TAFA2: variants seen among roughly 807,000 people sequenced by gnomAD.
The protein encoded by TAFA2 is TAFA chemokine like family member 2.
In TAFA2, 7 loss-of-function variants were observed where a neutral mutation model predicts 18.8. The observed-to-expected ratio is 0.37, with a 90% CI of 0.21 to 0.70. TAFA2 has a LOEUF of 0.70. Ranked by LOEUF, TAFA2 falls within the 30% of genes least tolerant of loss-of-function variation. The pLI, the probability that TAFA2 is intolerant of heterozygous loss-of-function variation, is 0.53. For missense variants in TAFA2, 122 were observed against 158.1 expected, an observed-to-expected ratio of 0.77 and a Z score of 1.23; for synonymous variants, 60 against 54.2, an observed-to-expected ratio of 1.11 and a Z score of -0.47.
At chr12:61,784,211 T>C (rs1048533952) in intron 2 of TAFA2, among the ~76,000 whole-genome samples, 1 of 151,524 alleles carries the variant, frequency 6.6e-6, no homozygotes, top group African/African-American at 2.4e-5. Flanking sequence ...AGCTAAATAA[T>C]GAGAGAGGGT....
rs548390468 is a variant in TAFA2, at chr12:61,786,173, T to C, written c.107-31149A>G. Among the ~76,000 whole-genome samples, 8 of 151,608 alleles carry C rather than the reference T, an allele frequency of 5.3e-5. No homozygotes were observed. The East Asian group carries it at 1.2e-3, about 22-fold the overall frequency. ...ACGTGGGACTTGGAAAAGTGTCTGG[T>C]TTCAAAAGCCAGACTAGGAAATCTT... On this transcript the variant is annotated intron_variant, in intron 2 of 4. Transcript: ENST00000416284.
chr12:61,811,661 C>T (rs17120303), intron 2 of TAFA2, among the ~76,000 whole-genome samples: 2,801 of 151,268 alleles, frequency 0.019, 219 homozygotes, highest in African/African-American at 0.064. Context: ...TGAAAAGGGT[C>T]ACTTTTAGCA....
At chr12:61,823,864 A>G (rs1321835301) in intron 2 of TAFA2, among the ~76,000 whole-genome samples, 1 of 152,102 alleles carries the variant, frequency 6.6e-6, no homozygotes, top group Non-Finnish European at 1.5e-5. Context: ...CCACACACCA[A>G]AAGTCTTTGT....
chr12:61,779,497 C>T (rs983502499), intron 2 of TAFA2, among the ~76,000 whole-genome samples: 11 of 151,862 alleles, frequency 7.2e-5, no homozygotes, highest in Non-Finnish European at 1.3e-4. Context: ...CAAATTGGAA[C>T]ATATTTTACA....
chr12:61,956,133 T>A (rs1033850118), intron 1 of TAFA2, among the ~76,000 whole-genome samples: 1 of 149,418 alleles, frequency 6.7e-6, no homozygotes, highest in Admixed American at 6.7e-5. Context: ...GCTAAACATT[T>A]TCAAGTATCC....
chr12:61,976,651 C>A (rs966233378), intron 1 of TAFA2, among the ~76,000 whole-genome samples: 1 of 151,950 alleles, frequency 6.6e-6, no homozygotes, highest in African/African-American at 2.4e-5. Context: ...AACTCATTTA[C>A]ATTAGGTATA....
At chr12:61,899,386 TAAAG>T (rs1179172120) in intron 1 of TAFA2, among the ~76,000 whole-genome samples, 1 of 152,114 alleles carries the variant, frequency 6.6e-6, no homozygotes, top group Non-Finnish European at 1.5e-5. Context: ...GGGTAATTTA[TAAAG>T]AAAGTAAGGT....
chr12:61,766,440 T>C (rs183231334), intron 2 of TAFA2, among the ~76,000 whole-genome samples: 1 of 152,208 alleles, frequency 6.6e-6, no homozygotes, highest in African/African-American at 2.4e-5. Flanking sequence ...CTTGATTCCT[T>C]GCCCTCTTTT....
At chr12:61,711,090 A>G (rs114264149) in intron 4 of TAFA2, among the ~76,000 whole-genome samples, 2,848 of 152,168 alleles carry the variant, frequency 0.019, 98 homozygotes, top group African/African-American at 0.065. Context: ...TATTTTAAGT[A>G]TCACTAAAAA....
intron 2 of TAFA2, among the ~76,000 whole-genome samples, chr12:61,795,174 A>G (rs930450124): frequency 2.6e-5 from 4 of 152,212 alleles, no homozygotes; most frequent in Non-Finnish European, 5.9e-5. Flanking sequence ...GAGTGTGGCA[A>G]TTCCTAAAGG....
chr12:62,124,681 G>A (rs1431603080), intron 1 of TAFA2, among the ~76,000 whole-genome samples: 1 of 152,130 alleles, frequency 6.6e-6, no homozygotes, highest in Admixed American at 6.6e-5. Context: ...ATAACTGTCT[G>A]TAATATTATT....
chr12:61,877,916 T>TACACACAC (rs201803041), intron 1 of TAFA2, among the ~76,000 whole-genome samples: 46 of 57,874 alleles, frequency 7.9e-4, no homozygotes, highest in Non-Finnish European at 1.4e-3. Flanking sequence ...TATATATATA[T>TACACACAC]ATATATATAC....
At chr12:61,741,488 T>C (rs184299061) in intron 4 of TAFA2, among the ~76,000 whole-genome samples, 2 of 152,240 alleles carry the variant, frequency 1.3e-5, no homozygotes, top group East Asian at 1.9e-4. Flanking sequence ...CATCATGGAA[T>C]ATAATATTTA....
intron 2 of TAFA2, among the ~76,000 whole-genome samples, chr12:61,788,540 G>C (rs1870835573): frequency 6.6e-6 from 1 of 151,498 alleles, no homozygotes; most frequent in Non-Finnish European, 1.5e-5. Flanking sequence ...GCTAAAAAAG[G>C]AATAATAAAG....
intron 1 of TAFA2, among the ~76,000 whole-genome samples, chr12:61,983,381 CTGTT>C (rs1879704190): frequency 8.3e-6 from 1 of 119,930 alleles, no homozygotes; most frequent in Non-Finnish European, 1.9e-5. Flanking sequence ...CCCTGGGATT[CTGTT>C]TGTTTTGTTT....
chr12:61,904,961 G>T (rs1167743116), intron 1 of TAFA2, among the ~76,000 whole-genome samples: 1 of 152,188 alleles, frequency 6.6e-6, no homozygotes, highest in Non-Finnish European at 1.5e-5. Context: ...TTTAAACATA[G>T]TATCTTCAAC....
At chr12:61,904,336 A>G (rs558511245) in intron 1 of TAFA2, among the ~76,000 whole-genome samples, 1 of 152,266 alleles carries the variant, frequency 6.6e-6, no homozygotes, top group East Asian at 1.9e-4. Context: ...AAACTCATGT[A>G]TTTAAGAGGC....
chr12:61,901,934 A>G (rs1876119060), intron 1 of TAFA2, among the ~76,000 whole-genome samples: 1 of 152,150 alleles, frequency 6.6e-6, no homozygotes, highest in African/African-American at 2.4e-5. Context: ...TATTCATTGC[A>G]CATGACTAGA....
In TAFA2 at chr12:62,252,513, A is replaced by G. The variant is rs543724187; in HGVS notation, c.-130+6250T>C. The G allele has an allele frequency of 2.0e-4, 30 of 152,292 alleles. 1 individual carries two copies. The highest frequency in any genetic ancestry group is 6.7e-4 in the African/African-American group (28 of 41,568). 9.4% of individuals were successfully genotyped at this position (152,292 alleles called of 1,614,324 possible). A position where few individuals can be genotyped will look rare whatever the true frequency, so the allele number is the denominator to read the frequency against. ...GGAGATGAGTAGCACAAAATCCCCAATTGGGTCACTGACAATGATGGTAAA... is the reference window on the plus strand; with the variant it reads ...GGAGATGAGTAGCACAAAATCCCCAGTTGGGTCACTGACAATGATGGTAAA... On this transcript the variant is annotated intron_variant, in intron 1 of 5. Transcript: ENST00000551619.
Sources: gnomAD v4.1 joint callset for allele counts (sites outside exome capture counted in the v4.1 genomes callset) on GRCh38, gnomAD v4.1.1 for gene constraint, MANE v1.5 for transcripts, NCBI Gene and HGNC (gene_info 2026-07-23, HGNC 2026-07-21) for gene names.